CNTLN: variants seen among roughly 807,000 people sequenced by gnomAD.
The protein encoded by CNTLN is centlein.
CNTLN carries 212 observed loss-of-function variants against 180.0 expected under a neutral mutation model. The observed-to-expected ratio is 1.18, with a 90% confidence interval of 1.05 to 1.32. CNTLN has a LOEUF of 1.32. Ranked by LOEUF, CNTLN falls within the 40% of genes most tolerant of loss-of-function variation. The pLI is 0.00. For missense variants in CNTLN, 2,095 were observed against 1,610.9 expected (o/e 1.30, Z -5.14); for synonymous variants, 722 against 563.1 (o/e 1.28, Z -3.99).
rs1360265854 is a variant in CNTLN at position 17,387,073 on chromosome 9, T to G, written c.1988-1089T>G. On this transcript the variant is annotated intron_variant, in intron 13 of 25. Coordinates refer to ENST00000380647, the MANE Select transcript of CNTLN (RefSeq NM_017738.4). ...TTCGGATACTGTTCTAATTATTTCA[T>G]AAGTACAGAAGTTTTAATTGGGTAT... Among the ~76,000 whole-genome samples, 8 of 152,316 alleles carry G rather than the reference T, an allele frequency of 5.3e-5. No homozygotes were observed. The East Asian group carries it at 1.4e-3, about 26-fold the overall frequency.
Position 17,477,658 on chromosome 9 carries a change from A to G in CNTLN, c.3856-6637A>G, listed in dbSNP as rs1444859975. 2.6e-5 allele frequency among the ~76,000 whole-genome samples: 4 copies of G among 152,358 alleles called. No homozygotes were observed. The East Asian group carries it at 7.7e-4, about 29-fold the overall frequency. ...GAACTAAAATTAGAAATGGAGCCCA[A>G]TATGTGACTGAATTGCTGCAATCTC... On this transcript the variant is annotated intron_variant, in intron 23 of 25. Transcript: ENST00000380647.
intron 6 of CNTLN, among the ~76,000 whole-genome samples, chr9:17,290,683 C>T (rs1336246886): frequency 1.5e-4 from 22 of 150,356 alleles, no homozygotes; most frequent in African/African-American, 5.4e-4. Context: ...TAGGACCCTC[C>T]GAGCCAGGTG....
rs1818944956 is a variant in CNTLN at position 17,309,090 on chromosome 9, C to T, written c.1179C>T (p.Thr393=). ...LYNELHICFE[T]TKSNEAMLRQ... ...ATGAGTTACATATTTGTTTTGAAAC[C>T]ACAAAATCAAATGAAGCTATGCTCC... The change falls in exon 8 of 26, where the codon ACC becomes ACT. Residue 393 remains threonine (T), a synonymous_variant. Coordinates refer to ENST00000380647, the MANE Select transcript of CNTLN (RefSeq NM_017738.4). The T allele has an allele frequency of 6.3e-7, 1 of 1,590,380 alleles. No homozygotes were observed. Among genetic ancestry groups the T allele is most frequent in the African/African-American group, 1.4e-5 (1 of 73,420 alleles).
At chr9:17,323,653 CTCA>C (rs1820070447) in intron 8 of CNTLN, among the ~76,000 whole-genome samples, 2 of 152,188 alleles carry the variant, frequency 1.3e-5, no homozygotes, top group Non-Finnish European at 2.9e-5. Flanking sequence ...GGATGCCTAA[CTCA>C]GTTGGTTTTC....
chr9:17,518,482 T>C, the CNTLN span, among the ~76,000 whole-genome samples: 9 of 152,176 alleles, frequency 5.9e-5, no homozygotes, highest in African/African-American at 2.2e-4. Context: ...TTTTACCTCC[T>C]GGCAGAGGGA....
chr9:17,288,777 C>G (rs1587506248), intron 6 of CNTLN, among the ~76,000 whole-genome samples: 1 of 136,042 alleles, frequency 7.4e-6, no homozygotes, highest in Admixed American at 7.3e-5. Context: ...TTCTTTGTCT[C>G]TTTTGATCTT....
intron 6 of CNTLN, among the ~76,000 whole-genome samples, chr9:17,286,308 ATAGT>A (rs1828974894): frequency 1.4e-5 from 1 of 70,226 alleles, no homozygotes; most frequent in African/African-American, 8.2e-5. Flanking sequence ...CAAAGATCAG[ATAGT>A]TGTAGATATG....
intron 1 of CNTLN, 61 bp from the exon 2 acceptor site, chr9:17,143,227 A>C (rs1179190669): frequency 8.9e-7 from 1 of 1,123,662 alleles, no homozygotes; most frequent in Non-Finnish European, 1.3e-6. Flanking sequence ...AATTTAATGT[A>C]GTATCTTATT....
At chr9:17,297,991 A>T (rs189827576) in intron 6 of CNTLN, among the ~76,000 whole-genome samples, 199 bp from the exon 7 acceptor site, 224 of 152,286 alleles carry the variant, frequency 1.5e-3, no homozygotes, top group African/African-American at 5.0e-3. Context: ...TTTGAAAGTC[A>T]TAGTCGTTGT....
intron 2 of CNTLN, among the ~76,000 whole-genome samples, chr9:17,196,538 T>C (rs1252320027): frequency 6.6e-6 from 1 of 152,042 alleles, no homozygotes; most frequent in South Asian, 2.1e-4. Flanking sequence ...TTAGGAGTTA[T>C]GTAAGGAATG....
chr9:17,233,771 C>CAA (rs1287897893), intron 3 of CNTLN, among the ~76,000 whole-genome samples: 1 of 151,830 alleles, frequency 6.6e-6, no homozygotes, highest in Non-Finnish European at 1.5e-5. Context: ...ATATGTTGAG[C>CAA]AAAAATAGCA....
intron 12 of CNTLN, among the ~76,000 whole-genome samples, chr9:17,350,012 G>T (rs115590978): frequency 3.0e-3 from 452 of 152,274 alleles, no homozygotes; most frequent in African/African-American, 0.01. Context: ...GGCTTAGTCA[G>T]CTTTCTCACT....
chr9:17,235,683 T>C lies in CNTLN; in HGVS notation c.560T>C (p.Ile187Thr), dbSNP rs1422452544. The C allele has an allele frequency of 6.2e-7, 1 of 1,606,972 alleles. No homozygotes were observed. The change falls in exon 4 of 26, where the codon ATA becomes ACA. Residue 187 changes from isoleucine (I) to threonine (T), a missense_variant. Transcript: ENST00000380647. ...AGAGAGTCAGTACTGAAACAGGAAA[T>C]AAATGACCTTGTAAAACGGAAAATT... ...EQRESVLKQEINDLVKRKIAV... is the reference protein window; with the variant it reads ...EQRESVLKQETNDLVKRKIAV...
intron 3 of CNTLN, among the ~76,000 whole-genome samples, chr9:17,235,320 T>TA (rs1230974258): frequency 6.6e-6 from 1 of 152,174 alleles, no homozygotes; most frequent in Non-Finnish European, 1.5e-5. Context: ...AATAAGGAAT[T>TA]ATGTTAGCTA....
chr9:17,243,345 CT>C (rs1480897302), intron 5 of CNTLN, among the ~76,000 whole-genome samples: 1 of 151,794 alleles, frequency 6.6e-6, no homozygotes, highest in Non-Finnish European at 1.5e-5. Context: ...TTTATTATTT[CT>C]TTTCTTCTAA....
At chr9:17,340,723 T>C in intron 10 of CNTLN, 104 bp from the exon 11 acceptor site, 1 of 920,274 alleles carries the variant, frequency 1.1e-6, no homozygotes, top group Non-Finnish European at 1.5e-6. Context: ...GTTTACACAC[T>C]ATTTTCTTTC....
chr9:17,222,403 G>A, intron 2 of CNTLN, among the ~76,000 whole-genome samples: 1 of 152,120 alleles, frequency 6.6e-6, no homozygotes, highest in South Asian at 2.1e-4. Context: ...AATGTGTTAT[G>A]GAAAGGACCT....
At chr9:17,319,721 T>A (rs1819776551) in intron 8 of CNTLN, among the ~76,000 whole-genome samples, 1 of 152,180 alleles carries the variant, frequency 6.6e-6, no homozygotes, top group Non-Finnish European at 1.5e-5. Context: ...CAATGAATGG[T>A]GGGCATTTAG....
chr9:17,313,584 A>G (rs1819353718), intron 8 of CNTLN, among the ~76,000 whole-genome samples: 2 of 152,040 alleles, frequency 1.3e-5, no homozygotes, highest in Admixed American at 1.3e-4. Context: ...CATTTAAACT[A>G]TGATGTTCCC....
Sources: allele counts gnomAD v4.1 joint callset (sites outside exome capture counted in the v4.1 genomes callset), GRCh38; gene constraint gnomAD v4.1.1; transcripts MANE v1.5; gene names NCBI Gene and HGNC (gene_info 2026-07-23, HGNC 2026-07-21).